Variants in AFF3 observed in about 807,000 individuals in gnomAD.
AFF3 encodes the protein ALF transcription elongation factor 3, also known as AF4/FMR2 family member 3.
Under a neutral mutation model 129.7 loss-of-function variants are expected in AFF3, and 32 were observed. That is an observed-to-expected ratio of 0.25 (90% confidence interval 0.19 to 0.33). AFF3 has a LOEUF of 0.33. Among genes scored for constraint, AFF3 ranks in the 10% least tolerant of loss-of-function variants. AFF3 has a pLI of 1.00. For missense variants in AFF3, 1,373 were observed against 1,592.0 expected (o/e 0.86, Z 2.34); for synonymous variants, 644 against 635.4 (o/e 1.01, Z -0.20).
At chr2:100,014,783 C>CCT (rs1271596349) in intron 4 of AFF3, among the ~76,000 whole-genome samples, 1 of 120,416 alleles carries the variant, frequency 8.3e-6, no homozygotes, top group Admixed American at 8.2e-5. Flanking sequence ...ACCTTGCTTC[C>CCT]TTTTTTTTTT....
intron 11 of AFF3, among the ~76,000 whole-genome samples, chr2:99,677,845 G>T (rs762828673): frequency 6.6e-6 from 1 of 152,148 alleles, no homozygotes; most frequent in Non-Finnish European, 1.5e-5. Flanking sequence ...TAGAGACAGG[G>T]TCTTGCTCTG....
At chr2:99,887,128 A>G (rs982522906) in intron 7 of AFF3, among the ~76,000 whole-genome samples, 1 of 152,216 alleles carries the variant, frequency 6.6e-6, no homozygotes, top group African/African-American at 2.4e-5. Context: ...TGGAAGACAG[A>G]TGAGCTAATC....
intron 4 of AFF3, among the ~76,000 whole-genome samples, chr2:100,094,203 G>C (rs1268158132): frequency 6.6e-6 from 1 of 152,130 alleles, no homozygotes; most frequent in African/African-American, 2.4e-5. Context: ...GTTTCAGGAT[G>C]GTTCAAGTGC....
At chr2:99,647,235 G>C (rs1684775394) in intron 13 of AFF3, among the ~76,000 whole-genome samples, 2 of 152,178 alleles carry the variant, frequency 1.3e-5, no homozygotes, top group Non-Finnish European at 2.9e-5. Context: ...CAGTAGCAAA[G>C]ACATGGAATC....
At chr2:99,552,046 C>T (rs913834372) in intron 24 of AFF3, among the ~76,000 whole-genome samples, 2 of 152,172 alleles carry the variant, frequency 1.3e-5, no homozygotes, top group Non-Finnish European at 2.9e-5. Context: ...GGACTGAAGT[C>T]ACCTTCTAGC....
At chr2:99,779,599 G>A (rs1430055307) in intron 8 of AFF3, among the ~76,000 whole-genome samples, 1 of 152,152 alleles carries the variant, frequency 6.6e-6, no homozygotes, top group Non-Finnish European at 1.5e-5. Context: ...TAGTGGTGAA[G>A]TCTGGGCATT....
chr2:100,071,302 A>T lies in AFF3; in HGVS notation c.53+33100T>A, dbSNP rs140919628. Among the ~76,000 whole-genome samples the T allele has an allele frequency of 4.6e-5, 7 of 152,350 alleles. No homozygotes were observed. In the East Asian group the frequency reaches 1.3e-3, roughly 29 times the overall value. ...ATTTAAAATAAAAATGTCTAATACT[A>T]GAAGAAATCTGAGATATCTTTTACA... On this transcript the variant is annotated intron_variant, in intron 4 of 24. Coordinates refer to ENST00000672756, the MANE Select transcript of AFF3 (RefSeq NM_001386135.1).
At chr2:99,714,964 G>C (rs1678248515) in intron 11 of AFF3, among the ~76,000 whole-genome samples, 1 of 152,146 alleles carries the variant, frequency 6.6e-6, no homozygotes, top group South Asian at 2.1e-4. Context: ...AGAGCCTCTG[G>C]GCATCATCCA....
chr2:99,892,379 G>A (rs192940723), intron 7 of AFF3, among the ~76,000 whole-genome samples: 121 of 152,146 alleles, frequency 8.0e-4, no homozygotes, highest in African/African-American at 2.4e-3. Flanking sequence ...AATGATAACT[G>A]AGAAGCCAAC....
intron 4 of AFF3, among the ~76,000 whole-genome samples, chr2:100,053,608 C>T (rs1686528855): frequency 6.6e-6 from 1 of 152,128 alleles, no homozygotes; most frequent in Non-Finnish European, 1.5e-5. Flanking sequence ...TGAGACATAT[C>T]CCTGAAAAAG....
At chr2:99,693,357 T>C (rs573787272) in intron 11 of AFF3, among the ~76,000 whole-genome samples, 19 of 152,226 alleles carry the variant, frequency 1.2e-4, no homozygotes, top group Non-Finnish European at 1.2e-4. Flanking sequence ...AAATAAACTT[T>C]CTTTCTACTC....
intron 13 of AFF3, among the ~76,000 whole-genome samples, chr2:99,605,251 A>G (rs1425207836): frequency 6.6e-6 from 1 of 152,234 alleles, no homozygotes; most frequent in Non-Finnish European, 1.5e-5. Flanking sequence ...TGTTTTTAAA[A>G]CAGCTGAGAG....
At chr2:100,011,667 A>G in intron 4 of AFF3, 1 of 751,582 alleles carries the variant, frequency 1.3e-6, no homozygotes, top group Non-Finnish European at 2.5e-6. Flanking sequence ...CATATTTTCC[A>G]GAAGCCGAGG....
chr2:99,619,503 C>A (rs1289811233), intron 13 of AFF3, among the ~76,000 whole-genome samples: 1 of 152,192 alleles, frequency 6.6e-6, no homozygotes. Context: ...TCAAAGGCTG[C>A]ACCACAGAGC....
chr2:99,637,613 C>T (rs1029291992), intron 13 of AFF3, among the ~76,000 whole-genome samples: 1 of 152,278 alleles, frequency 6.6e-6, no homozygotes, highest in Admixed American at 6.5e-5. Flanking sequence ...AACCAATCAC[C>T]AACCAACACA....
intron 13 of AFF3, among the ~76,000 whole-genome samples, chr2:99,648,915 A>ACTCTCTCTCTCTCTCTCTCTCT (rs1275377590): frequency 1.7e-4 from 6 of 35,580 alleles, no homozygotes; most frequent in East Asian, 3.3e-3. Flanking sequence ...ACACACACAC[A>ACTCTCTCTCTCTCTCTCTCTCT]CACTCTCTCT....
chr2:99,632,850 A>G (rs1683254735), intron 13 of AFF3, among the ~76,000 whole-genome samples: 1 of 152,158 alleles, frequency 6.6e-6, no homozygotes, highest in Non-Finnish European at 1.5e-5. Context: ...GTCTATGAAA[A>G]TATTTACCAG....
chr2:100,121,424 T>C (rs945439092), intron 2 of AFF3, among the ~76,000 whole-genome samples: 1 of 152,214 alleles, frequency 6.6e-6, no homozygotes, highest in Non-Finnish European at 1.5e-5. Flanking sequence ...GCAGTGGTTA[T>C]ATAGGCTAAA....
chr2:99,599,160 C>T (rs3792132), intron 14 of AFF3, among the ~76,000 whole-genome samples: 1 of 152,294 alleles, frequency 6.6e-6, no homozygotes, highest in South Asian at 2.1e-4. Flanking sequence ...TGACAAGAGC[C>T]TCCTTTCATC....
Sources: gnomAD v4.1 joint callset for allele counts (sites outside exome capture counted in the v4.1 genomes callset) on GRCh38, gnomAD v4.1.1 for gene constraint, MANE v1.5 for transcripts, NCBI Gene and HGNC (gene_info 2026-07-23, HGNC 2026-07-21) for gene names.